TOR2A: variants seen among roughly 807,000 people sequenced by gnomAD.
TOR2A encodes the protein prosalusin.
In TOR2A, 24 loss-of-function variants were observed where a neutral mutation model predicts 28.6. The ratio of observed to expected loss-of-function variants is 0.84; its 90% CI spans 0.61 to 1.18. TOR2A has a LOEUF of 1.18. TOR2A is among the 50% of genes most tolerant of loss of function. The pLI, the probability that TOR2A is intolerant of heterozygous loss-of-function variation, is 0.00. For synonymous variants in TOR2A, 203 were observed against 203.1 expected, an observed-to-expected ratio of 1.00 and a Z score of 0.00; for missense variants, 426 against 448.1, an observed-to-expected ratio of 0.95 and a Z score of 0.45.
chr9:127,732,480 G>A, intron 4 of TOR2A, 84 bp downstream of exon 4: 1 of 1,470,648 alleles, frequency 6.8e-7, no homozygotes, highest in South Asian at 1.4e-5. Flanking sequence ...CCGGGTCAGT[G>A]GGCAAAGCAT....
chr9:127,733,983 C>T, intron 2 of TOR2A: 1 of 419,614 alleles, frequency 2.4e-6, no homozygotes, highest in Non-Finnish European at 4.2e-6. Flanking sequence ...GGCTGATTTC[C>T]AGCAAGACAA....
intron 3 of TOR2A, 25 bp downstream of exon 3, chr9:127,733,360 T>G (rs1844547764): frequency 1.2e-6 from 2 of 1,613,664 alleles, no homozygotes; most frequent in Non-Finnish European, 1.7e-6. Flanking sequence ...CCCCCCACTG[T>G]GCCCACTGCA....
At chr9:127,732,505 G>T in intron 4 of TOR2A, 59 bp downstream of exon 4, 1 of 1,514,242 alleles carries the variant, frequency 6.6e-7, no homozygotes, top group Non-Finnish European at 8.8e-7. Context: ...CCCCGGGAGA[G>T]CCTGGCCCCT....
rs1008758567 is a variant in TOR2A, at chr9:127,732,736, C to T, written c.594-45G>A. On this transcript the variant is annotated intron_variant, in intron 3 of 4. Coordinates refer to ENST00000373284, the MANE Select transcript of TOR2A (RefSeq NM_001085347.3). ...AGGCTGAGACTCAGATGAGGACTAG[C>T]GCAGGGCAGGATTGGACCCTCGCTT... The T allele has an allele frequency of 1.9e-5, 29 of 1,545,764 alleles. No homozygotes were observed. The Admixed American group carries it at 2.4e-4, about 13-fold the overall frequency.
Position 127,732,548 on chromosome 9 carries a change from G to T in TOR2A, c.721+16C>A. 6.4e-7 allele frequency: 1 copy of T among 1,571,638 alleles called. No individual in the cohort carries two copies. The highest frequency in any genetic ancestry group is 1.1e-5 in the South Asian group (1 of 87,282). On this transcript the variant is annotated intron_variant, in intron 4 of 4. Coordinates refer to ENST00000373284, the MANE Select transcript of TOR2A (RefSeq NM_001085347.3). ...GGGTGAAGCTGCCCGGGAGGGGGCT[G>T]CTGAGCCAGACTCACGGTGCGGGTT...
In TOR2A at chr9:127,731,825, G is replaced by A; in HGVS notation, c.*209C>T. ...GAGGTCAAGGCTCAGTGAGGTTCTG[G>A]GGTGACCAGGGGTTTCCCTGGGGAA... On this transcript the variant is annotated 3_prime_UTR_variant, in exon 5 of 5. Transcript: ENST00000373284. The A allele has an allele frequency of 9.7e-7, 1 of 1,028,356 alleles. No individual in the cohort carries two copies. The highest frequency in any genetic ancestry group is 1.8e-5 in the South Asian group (1 of 57,002). The allele number at this position is 1,028,356 out of a possible 1,614,324, so 63.7% of individuals were successfully genotyped here. A position where few individuals can be genotyped will look rare whatever the true frequency, so the allele number is the denominator to read the frequency against.
chr9:127,735,050 C>G (rs926451479), intron 1 of TOR2A, 70 bp downstream of exon 1: 15 of 1,367,070 alleles, frequency 1.1e-5, no homozygotes, highest in Non-Finnish European at 1.4e-5. Context: ...GCCGGGCTCC[C>G]AGGGCTCCCA....
chr9:127,734,732 G>A (rs928488769), intron 1 of TOR2A, 168 bp from the exon 2 acceptor site: 1 of 820,244 alleles, frequency 1.2e-6, no homozygotes, highest in African/African-American at 1.8e-5. Flanking sequence ...AGCCACCTTC[G>A]GGCCTGATTC....
chr9:127,732,351 G>A (rs1844474585), intron 4 of TOR2A, 73 bp from the exon 5 acceptor site: 2 of 1,506,482 alleles, frequency 1.3e-6, no homozygotes, highest in Admixed American at 2.3e-5. Context: ...AACCCCCAGG[G>A]GCAGGAGGAA....
Position 127,731,662 on chromosome 9 carries a change from G to T in TOR2A, c.*372C>A. ...TCCACCTGGCTTGATATGGACACAG[G>T]GTGTGGGGTGGAGGGGAGGAGGTAT... On this transcript the variant is annotated 3_prime_UTR_variant, in exon 5 of 5. Coordinates refer to ENST00000373284, the MANE Select transcript of TOR2A (RefSeq NM_001085347.3). 1.1e-6 allele frequency: 1 copy of T among 879,094 alleles called. No homozygotes were observed. The highest frequency in any genetic ancestry group is 1.6e-6 in the Non-Finnish European group (1 of 611,016). 54.5% of individuals were successfully genotyped at this position (879,094 alleles called of 1,614,324 possible). A position where few individuals can be genotyped will look rare whatever the true frequency, so the allele number is the denominator to read the frequency against.
At chr9:127,734,648 ACTCCTGTGT>A (rs1475453836) in intron 1 of TOR2A, 84 bp from the exon 2 acceptor site, 2 of 1,373,892 alleles carry the variant, frequency 1.5e-6, no homozygotes, top group African/African-American at 3.0e-5. Context: ...CTGGTCTGGG[ACTCCTGTGT>A]CCTTACGTTT....
At chr9:127,734,900 C>T (rs761979494) in intron 1 of TOR2A, 151 of 666,954 alleles carry the variant, frequency 2.3e-4, no homozygotes, top group Middle Eastern at 4.5e-4. Context: ...GAACTTCCAC[C>T]AAGGGTTCTG....
Position 127,732,266 on chromosome 9 carries a change from T to C in TOR2A, c.734A>G (p.Asn245Ser), listed in dbSNP as rs745775471. 2 of 1,580,194 alleles carry C rather than the reference T, an allele frequency of 1.3e-6. No homozygotes were observed. The highest frequency in any genetic ancestry group is 2.7e-5 in the African/African-American group (2 of 73,970). Residue 245 changes from asparagine to serine, a missense_variant, in exon 5 of 5, where the codon AAC (asparagine) becomes AGC (serine). Physicochemically the swap from Asn to Ser is conservative, Grantham distance 46. Transcript: ENST00000373284. ...VLDNPHHGFSNSGIMEERLLD... is the reference protein window; with the variant it reads ...VLDNPHHGFSSSGIMEERLLD... ...GAGGCGCTCTTCCATGATGCCCGAG[T>C]TTGAGAAGCCATCTGCAGGAAGGGT... is the stretch of plus-strand genomic sequence containing the variant.
At position 127,735,233 on chromosome 9, in the gene TOR2A, G is replaced by A. The variant is rs754198997; in HGVS notation, c.38C>T (p.Ser13Leu). The A allele has an allele frequency of 6.9e-6, 10 of 1,454,186 alleles. No individual in the cohort carries two copies. The highest frequency in any genetic ancestry group is 1.3e-5 in the South Asian group (1 of 74,514). 90.1% of individuals were successfully genotyped at this position (1,454,186 alleles called of 1,614,324 possible). A position where few individuals can be genotyped will look rare whatever the true frequency, so the allele number is the denominator to read the frequency against. Residue 13 changes from serine (S) to leucine (L), a missense_variant, in exon 1 of 5, where the codon TCG (serine) becomes TTG (leucine). Physicochemically the swap from Ser to Leu is moderately radical, Grantham distance 145 (BLOSUM62 -2). Coordinates refer to ENST00000373284, the MANE Select transcript of TOR2A (RefSeq NM_001085347.3). ...AATRGCRPWGSLLGLLGLVSA... is the reference protein window; with the variant it reads ...AATRGCRPWGLLLGLLGLVSA... ...GACCAGCCCGAGCAGCCCGAGGAGC[G>A]AGCCCCAGGGCCGGCAGCCGCGCGT...
intron 4 of TOR2A, 101 bp from the exon 5 acceptor site, chr9:127,732,379 C>T (rs1268452759): frequency 2.0e-6 from 3 of 1,474,424 alleles, no homozygotes; most frequent in Non-Finnish European, 2.7e-6. Context: ...GGCCTCAGTT[C>T]CCTCAGCCGC....
At chr9:127,732,838 C>G in intron 3 of TOR2A, 147 bp from the exon 4 acceptor site, 1 of 1,441,942 alleles carries the variant, frequency 6.9e-7, no homozygotes. Flanking sequence ...CCACTTCCCC[C>G]TCCATGGTGT....
Position 127,732,926 on chromosome 9 carries a change from C to G in TOR2A, c.594-235G>C, listed in dbSNP as rs891807638. On this transcript the variant is annotated intron_variant, in intron 3 of 4. Coordinates refer to ENST00000373284, the MANE Select transcript of TOR2A (RefSeq NM_001085347.3). ...TACAAAACACTTTTGTGTCCCTCAACTGACTTTCCCTCACTGAACTTCCAG... is the reference window on the plus strand; with the variant it reads ...TACAAAACACTTTTGTGTCCCTCAAGTGACTTTCCCTCACTGAACTTCCAG... 8 of 1,412,364 alleles carry G rather than the reference C, an allele frequency of 5.7e-6. No individual in the cohort carries two copies. The African/African-American group carries it at 1.2e-4, about 20-fold the overall frequency. 87.5% of individuals were successfully genotyped at this position (1,412,364 alleles called of 1,614,324 possible).
In TOR2A at chr9:127,731,571, TA is replaced by T. The variant is rs1437484407; in HGVS notation, c.*462del. On this transcript the variant is annotated 3_prime_UTR_variant, in exon 5 of 5. Transcript: ENST00000373284. ...TTATACTTGTTTTCTTTTACAAAATTAAAAACATCTAAAACCAGGCCCAAGT... is the reference window on the plus strand; with the variant it reads ...TTATACTTGTTTTCTTTTACAAAATTAAAACATCTAAAACCAGGCCCAAGT... 7.9e-6 allele frequency: 11 copies of T among 1,392,070 alleles called. No homozygotes were observed. In the Admixed American group the frequency reaches 1.2e-4, roughly 15 times the overall value. The allele number at this position is 1,392,070 out of a possible 1,614,324, so 86.2% of individuals were successfully genotyped here.
At position 127,732,627 on chromosome 9, in the gene TOR2A, C is replaced by T. The variant is rs779854900; in HGVS notation, c.658G>A (p.Glu220Lys). Residue 220 changes from glutamate to lysine, a missense_variant, in exon 4 of 5, where the codon GAG becomes AAG. Coordinates refer to ENST00000373284, the MANE Select transcript of TOR2A (RefSeq NM_001085347.3). ...TCCAGCTCCTGCAGGAGGATCTCCT[C>T]GCGGTCCCGCCGGCTGCGCCACGCC... ...LEAWRSRRDR[E>K]EILLQELEPV... is the part of the protein sequence containing the mutation. 55 of 1,575,862 alleles carry T rather than the reference C, an allele frequency of 3.5e-5. 1 individual carries two copies. In the Admixed American group the frequency reaches 4.1e-4, roughly 12 times the overall value.
Sources: gnomAD v4.1 joint callset for allele counts on GRCh38, gnomAD v4.1.1 for gene constraint, MANE v1.5 for transcripts, NCBI Gene and HGNC (gene_info 2026-07-23, HGNC 2026-07-21) for gene names.